The following BDH1 variants were observed in gnomAD, a reference collection of about 807,000 sequenced individuals.
BDH1 encodes the protein D-beta-hydroxybutyrate dehydrogenase, mitochondrial.
In BDH1, 30 loss-of-function variants were observed where a neutral mutation model predicts 33.1. The observed-to-expected ratio is 0.91, with a 90% confidence interval of 0.68 to 1.23. The LOEUF is 1.23. Among genes scored for constraint, BDH1 ranks in the 50% most tolerant of loss-of-function variants. The pLI, the probability that BDH1 is intolerant of heterozygous loss-of-function variation, is 0.00. For missense variants in BDH1, 443 were observed against 464.4 expected, an observed-to-expected ratio of 0.95 and a Z score of 0.42; for synonymous variants, 190 against 183.6, an observed-to-expected ratio of 1.03 and a Z score of -0.28.
intron 3 of BDH1, among the ~76,000 whole-genome samples, chr3:197,539,812 C>A (rs995867617): frequency 6.6e-6 from 1 of 152,218 alleles, no homozygotes; most frequent in African/African-American, 2.4e-5. Context: ...GGCCTTCCCC[C>A]ACCCACCAAA....
chr3:197,565,803 A>T (rs549461335), intron 1 of BDH1, among the ~76,000 whole-genome samples: 1 of 152,114 alleles, frequency 6.6e-6, no homozygotes, highest in South Asian at 2.1e-4. Flanking sequence ...CAACTATAGA[A>T]CTCTAACAGG....
At chr3:197,532,608 G>A (rs1714772126) in intron 4 of BDH1, 86 bp from the exon 5 acceptor site, 3 of 957,804 alleles carry the variant, frequency 3.1e-6, no homozygotes, top group Admixed American at 2.0e-5. Flanking sequence ...TGCAGTGAGA[G>A]TTAGTGCTTC....
Position 197,543,156 on chromosome 3 carries a change from C to T in BDH1, c.83+3205G>A, listed in dbSNP as rs112855451. On this transcript the variant is annotated intron_variant, in intron 3 of 7. Coordinates refer to ENST00000392379, the MANE Select transcript of BDH1 (RefSeq NM_203314.3). Reference sequence around the variant, plus strand: ...TTTCTGCTGAGAGGAGCCATGAGTCCATTTGAATCTAACAAGACGGGGCTT... The same window carrying T: ...TTTCTGCTGAGAGGAGCCATGAGTCTATTTGAATCTAACAAGACGGGGCTT... 7,879 of 985,318 alleles carry T rather than the reference C, an allele frequency of 8.0e-3. 450 individuals carry two copies. The African/African-American group carries it at 0.13, about 16-fold the overall frequency. 61.0% of individuals were successfully genotyped at this position (985,318 alleles called of 1,614,324 possible). A position where few individuals can be genotyped will look rare whatever the true frequency, so the allele number is the denominator to read the frequency against.
At chr3:197,549,668 C>T (rs1223317819) in intron 2 of BDH1, among the ~76,000 whole-genome samples, 1 of 152,252 alleles carries the variant, frequency 6.6e-6, no homozygotes, top group African/African-American at 2.4e-5. Context: ...TGCAGGGAAA[C>T]AGCCAATGCA....
chr3:197,571,887 C>T (rs1259718682), intron 1 of BDH1, among the ~76,000 whole-genome samples: 3 of 152,136 alleles, frequency 2.0e-5, no homozygotes, highest in Non-Finnish European at 2.9e-5. Context: ...AACAGCAAGA[C>T]CTTGTTTCTA....
chr3:197,514,108 C>G lies in BDH1; in HGVS notation c.562+156G>C. On this transcript the variant is annotated intron_variant, in intron 7 of 7. Transcript: ENST00000392379. This position sits in a 1 kb window ranked among gnomAD's most constrained non-coding sequence, Gnocchi z 4.2. ...TACCCGGCCACAGCCCCTCTGCCCA[C>G]CATCACCCCAGGCCCAGCATAGTCC... is the stretch of plus-strand genomic sequence containing the variant. The G allele has an allele frequency of 9.7e-7, 1 of 1,031,478 alleles. No individual in the cohort carries two copies. The highest frequency in any genetic ancestry group is 1.4e-6 in the Non-Finnish European group (1 of 739,506). The allele number at this position is 1,031,478 out of a possible 1,614,324, so 63.9% of individuals were successfully genotyped here.
rs999629183 is a variant in BDH1 at position 197,521,343 on chromosome 3, G to C, written c.409+1297C>G. Among the ~76,000 whole-genome samples, 6 of 152,130 alleles carry C rather than the reference G, an allele frequency of 3.9e-5. No individual in the cohort carries two copies. Among genetic ancestry groups the C allele is most frequent in the African/African-American group, 1.4e-4 (6 of 41,416 alleles). Reference sequence around the variant, plus strand: ...GTTGCAGACAGAGCTCCTCCCACAAGGCCCTCCACTGGCTGAACTGGAAGG... The same window carrying C: ...GTTGCAGACAGAGCTCCTCCCACAACGCCCTCCACTGGCTGAACTGGAAGG... On this transcript the variant is annotated intron_variant, in intron 6 of 7. Transcript: ENST00000392379. This position sits in a 1 kb window ranked among gnomAD's most constrained non-coding sequence, Gnocchi z 4.9.
intron 3 of BDH1, among the ~76,000 whole-genome samples, chr3:197,534,698 G>GTGTC (rs1452533402): frequency 3.3e-5 from 5 of 152,220 alleles, no homozygotes; most frequent in Non-Finnish European, 7.3e-5. Flanking sequence ...CCCAGTGGCA[G>GTGTC]TGTCTGAACA....
intron 1 of BDH1, among the ~76,000 whole-genome samples, chr3:197,569,708 CT>C (rs1212810037): frequency 3.3e-5 from 5 of 152,304 alleles, no homozygotes; most frequent in South Asian, 4.1e-4. Flanking sequence ...TAAGACGTGC[CT>C]TTTGCCTTCT....
At position 197,521,589 on chromosome 3, in the gene BDH1, C is replaced by T. The variant is rs985095489; in HGVS notation, c.409+1051G>A. The stretch of plus-strand genomic sequence containing the variant: ...TCCCAGTGTCACCTGCCGTGGGCAC[C>T]TGCTCTTCTAGCCTGGACATTCCCT... On this transcript the variant is annotated intron_variant, in intron 6 of 7. Transcript: ENST00000392379. The surrounding 1 kb of genome is among the most constrained non-coding windows in gnomAD (Gnocchi z 4.9). Among the ~76,000 whole-genome samples the T allele has an allele frequency of 6.6e-6, 1 of 152,166 alleles. No homozygotes were observed. The highest frequency in any genetic ancestry group is 2.4e-5 in the African/African-American group (1 of 41,430).
At chr3:197,537,164 T>C (rs1715230171) in intron 3 of BDH1, among the ~76,000 whole-genome samples, 1 of 152,112 alleles carries the variant, frequency 6.6e-6, no homozygotes, top group Non-Finnish European at 1.5e-5. Context: ...AATTTTTGTA[T>C]TTTTTGCAGA....
Position 197,522,786 on chromosome 3 carries a change from G to A in BDH1, c.268-5C>T, listed in dbSNP as rs775576895. On this transcript the variant is annotated splice_polypyrimidine_tract_variant and splice_region_variant and intron_variant, in intron 5 of 7. Transcript: ENST00000392379. This position sits in a 1 kb window ranked among gnomAD's most constrained non-coding sequence, Gnocchi z 4.8. ...GACCCCATCATGGCCTTTGTCCTGG[G>A]GAGGAGAGAAGAGCTGCTTCTACCT... is the stretch of plus-strand genomic sequence containing the variant. The A allele has an allele frequency of 2.7e-5, 44 of 1,613,564 alleles. No individual in the cohort carries two copies. The highest frequency in any genetic ancestry group is 3.6e-5 in the Non-Finnish European group (43 of 1,179,684).
In BDH1 at chr3:197,512,524, A is replaced by G. The variant is rs146192030; in HGVS notation, c.563-160T>C. On this transcript the variant is annotated intron_variant, in intron 7 of 7. Coordinates refer to ENST00000392379, the MANE Select transcript of BDH1 (RefSeq NM_203314.3). Reference sequence around the variant, plus strand: ...GGCCAGCTCAGGCCCACGCATCAGCATCGGCACCCCTGGTCTTCCCTGGGA... The same window carrying G: ...GGCCAGCTCAGGCCCACGCATCAGCGTCGGCACCCCTGGTCTTCCCTGGGA... Among the ~76,000 whole-genome samples the G allele has an allele frequency of 1.4e-3, 209 of 152,352 alleles. 2 individuals carry two copies. Among genetic ancestry groups the G allele is most frequent in the African/African-American group, 4.7e-3 (197 of 41,588 alleles).
chr3:197,514,113 A>G lies in BDH1; in HGVS notation c.562+151T>C, dbSNP rs767572256. ...GGCCACAGCCCCTCTGCCCACCATC[A>G]CCCCAGGCCCAGCATAGTCCCTGGG... On this transcript the variant is annotated intron_variant, in intron 7 of 7. Coordinates refer to ENST00000392379, the MANE Select transcript of BDH1 (RefSeq NM_203314.3). The surrounding 1 kb of genome is among the most constrained non-coding windows in gnomAD (Gnocchi z 4.2). 12 of 1,067,562 alleles carry G rather than the reference A, an allele frequency of 1.1e-5. No individual in the cohort carries two copies. The highest frequency in any genetic ancestry group is 3.3e-5 in the African/African-American group (2 of 61,184). 66.1% of individuals were successfully genotyped at this position (1,067,562 alleles called of 1,614,324 possible).
chr3:197,565,554 G>C (rs981449704), intron 1 of BDH1, among the ~76,000 whole-genome samples: 2 of 151,884 alleles, frequency 1.3e-5, no homozygotes, highest in African/African-American at 4.8e-5. Context: ...GCTTTCTTTG[G>C]GCTGTATTTA....
intron 1 of BDH1, among the ~76,000 whole-genome samples, chr3:197,563,453 T>C (rs896824094): frequency 2.0e-5 from 3 of 152,200 alleles, no homozygotes; most frequent in African/African-American, 4.8e-5. Flanking sequence ...AAAAGCAAGA[T>C]GGAGTCAGTT....
intron 6 of BDH1, chr3:197,515,325 C>T (rs901519015): frequency 3.0e-6 from 3 of 985,596 alleles, no homozygotes; most frequent in Non-Finnish European, 3.6e-6. Context: ...TCCACCAAAG[C>T]CTTGCGGGTG....
At chr3:197,546,824 G>C (rs530546170) in intron 2 of BDH1, among the ~76,000 whole-genome samples, 1 of 152,298 alleles carries the variant, frequency 6.6e-6, no homozygotes, top group East Asian at 1.9e-4. Context: ...TGGGAGACTC[G>C]GGGACCTAAC....
chr3:197,553,774 AC>A (rs1716767715), intron 2 of BDH1, among the ~76,000 whole-genome samples: 1 of 152,168 alleles, frequency 6.6e-6, no homozygotes, highest in African/African-American at 2.4e-5. Context: ...CTTGGTGAAA[AC>A]CATGGAACTG....
Sources: gnomAD v4.1 joint callset for allele counts (sites outside exome capture counted in the v4.1 genomes callset) on GRCh38, gnomAD v4.1.1 for gene constraint, Gnocchi (gnomAD v3.1) non-coding constraint, MANE v1.5 for transcripts, NCBI Gene and HGNC (gene_info 2026-07-23, HGNC 2026-07-21) for gene names.